Variants in PDZRN3 observed in about 807,000 individuals in gnomAD.
The protein encoded by PDZRN3 is PDZ domain containing ring finger 3, also known as E3 ubiquitin-protein ligase PDZRN3.
Under a neutral mutation model 85.7 loss-of-function variants are expected in PDZRN3, and 38 were observed. The observed-to-expected ratio is 0.44, with a 90% CI of 0.34 to 0.58. PDZRN3 has a LOEUF of 0.58. Among genes scored for constraint, PDZRN3 ranks in the 20% least tolerant of loss-of-function variants. The pLI is 0.01. For missense variants in PDZRN3, 1,629 were observed against 1,506.4 expected (o/e 1.08, Z -1.35); for synonymous variants, 759 against 638.0 (o/e 1.19, Z -2.86).
intron 3 of PDZRN3, among the ~76,000 whole-genome samples, chr3:73,464,617 G>A (rs1703175916): frequency 6.6e-6 from 1 of 151,812 alleles, no homozygotes; most frequent in Non-Finnish European, 1.5e-5. Flanking sequence ...AGAATCCCCA[G>A]TACAACGTTG....
At chr3:73,563,867 G>A (rs1303789065) in intron 3 of PDZRN3, among the ~76,000 whole-genome samples, 1 of 152,232 alleles carries the variant, frequency 6.6e-6, no homozygotes, top group Non-Finnish European at 1.5e-5. Context: ...CATAAATAGC[G>A]AGAAGATGCA....
chr3:73,434,093 A>G lies in PDZRN3; in HGVS notation c.919-29698T>C, dbSNP rs184995700. The G allele has an allele frequency of 1.2e-5, 4 of 323,350 alleles. 1 individual carries two copies. In the Admixed American group the frequency reaches 2.6e-4, roughly 21 times the overall value. The allele number at this position is 323,350 out of a possible 1,614,324, so 20.0% of individuals were successfully genotyped here. On this transcript the variant is annotated intron_variant, in intron 3 of 9. Coordinates refer to ENST00000263666, the MANE Select transcript of PDZRN3 (RefSeq NM_015009.3). ...TAACAGACAATGATACAGAAGCTAT[A>G]ATTGCCAACTATGACAGTTGAAATT...
At chr3:73,424,200 T>A (rs923870573) in intron 3 of PDZRN3, among the ~76,000 whole-genome samples, 1 of 151,894 alleles carries the variant, frequency 6.6e-6, no homozygotes, top group African/African-American at 2.4e-5. Flanking sequence ...TATTTGACTT[T>A]ATGAAATTAA....
chr3:73,475,465 C>T (rs1323533101), intron 3 of PDZRN3, among the ~76,000 whole-genome samples: 2 of 152,192 alleles, frequency 1.3e-5, no homozygotes, highest in Non-Finnish European at 2.9e-5. Flanking sequence ...CCCCCCCCAA[C>T]TCTGAACCCA....
At chr3:73,433,829 G>A (rs1702479720) in intron 3 of PDZRN3, 10 of 1,463,358 alleles carry the variant, frequency 6.8e-6, no homozygotes, top group South Asian at 1.4e-5. Context: ...CGACTGCAAC[G>A]CTTCACATTG....
intron 3 of PDZRN3, chr3:73,474,571 G>A (rs1424161035): frequency 7.8e-7 from 1 of 1,282,500 alleles, no homozygotes; most frequent in South Asian, 1.3e-5. Context: ...AAGGCAGCCT[G>A]CAGGTCCGCA....
intron 3 of PDZRN3, among the ~76,000 whole-genome samples, chr3:73,591,665 C>G (rs2106880604): frequency 6.6e-6 from 1 of 152,214 alleles, no homozygotes; most frequent in East Asian, 1.9e-4. Flanking sequence ...GCCAAAATTG[C>G]AGTATTCAGA....
intron 8 of PDZRN3, among the ~76,000 whole-genome samples, chr3:73,386,179 G>A: frequency 7.0e-6 from 1 of 143,300 alleles, no homozygotes; most frequent in Non-Finnish European, 1.5e-5. Context: ...TGTGAAAAGA[G>A]TTCTTTCTGA....
Position 73,424,540 on chromosome 3 carries a change from T to A in PDZRN3, c.919-20145A>T, listed in dbSNP as rs183190941. Among the ~76,000 whole-genome samples the A allele has an allele frequency of 2.4e-4, 9 of 38,224 alleles. No individual in the cohort carries two copies. The South Asian group carries it at 4.5e-3, about 19-fold the overall frequency. 25.1% of individuals were successfully genotyped at this position (38,224 alleles called of 152,430 possible). ...CTGGGAGACAGAGTGAGACTCCATC[T>A]CAAAAAAAAAAAAAAAAAAAAAAAG... On this transcript the variant is annotated intron_variant, in intron 3 of 9. Coordinates refer to ENST00000263666, the MANE Select transcript of PDZRN3 (RefSeq NM_015009.3).
At chr3:73,398,115 A>T (rs1701676778) in intron 5 of PDZRN3, among the ~76,000 whole-genome samples, 2 of 150,736 alleles carry the variant, frequency 1.3e-5, no homozygotes, top group Admixed American at 1.3e-4. Flanking sequence ...TTAAAATATT[A>T]ATACCAGACT....
rs574048387 is a variant in PDZRN3, at chr3:73,499,219, G to A, written c.919-94824C>T. Reference sequence around the variant, plus strand: ...TGCCAGGTGCCAGGCATTGCTCTGGGCACTGGTTACAAACATCAGTGAAGA... The same window carrying A: ...TGCCAGGTGCCAGGCATTGCTCTGGACACTGGTTACAAACATCAGTGAAGA... On this transcript the variant is annotated intron_variant, in intron 3 of 9. Transcript: ENST00000263666. Among the ~76,000 whole-genome samples the A allele has an allele frequency of 2.0e-5, 3 of 152,292 alleles. No homozygotes were observed. In the South Asian group the frequency reaches 6.2e-4, roughly 32 times the overall value.
At chr3:73,534,952 C>T (rs998645087) in intron 3 of PDZRN3, among the ~76,000 whole-genome samples, 1 of 152,006 alleles carries the variant, frequency 6.6e-6, no homozygotes, top group African/African-American at 2.4e-5. Context: ...TGCTGCCCCT[C>T]TCTGTGGGGA....
In PDZRN3 at chr3:73,384,470, C is replaced by G; in HGVS notation, c.2096G>C (p.Cys699Ser). ...CTTGTGGGCGCGCACGATGCTCAGG[C>G]ACTCCAGCTCGATGCTGCGCAGCTC... ...NEELRSIELECLSIVRAHKMQ... is the reference protein window; with the variant it reads ...NEELRSIELESLSIVRAHKMQ... Residue 699 changes from cysteine to serine, a missense_variant, in exon 10 of 10, where the codon TGC (cysteine) becomes TCC (serine). Physicochemically the swap from Cys to Ser is moderately radical, Grantham distance 112. Coordinates refer to ENST00000263666, the MANE Select transcript of PDZRN3 (RefSeq NM_015009.3). 1.2e-6 allele frequency: 2 copies of G among 1,613,190 alleles called. No individual in the cohort carries two copies. The highest frequency in any genetic ancestry group is 1.7e-6 in the Non-Finnish European group (2 of 1,180,008).
intron 3 of PDZRN3, among the ~76,000 whole-genome samples, chr3:73,571,580 G>A (rs1205695504): frequency 6.6e-6 from 1 of 152,088 alleles, no homozygotes; most frequent in Non-Finnish European, 1.5e-5. Context: ...CTGTGCTAAA[G>A]TACATTTTTC....
At chr3:73,407,377 A>G (rs569794376) in intron 3 of PDZRN3, among the ~76,000 whole-genome samples, 3 of 152,196 alleles carry the variant, frequency 2.0e-5, no homozygotes, top group Non-Finnish European at 4.4e-5. Context: ...TCCTAATAAT[A>G]TCACTGAATA....
intron 1 of PDZRN3, among the ~76,000 whole-genome samples, chr3:73,611,042 A>C (rs775943631): frequency 6.6e-6 from 1 of 152,194 alleles, no homozygotes; most frequent in Non-Finnish European, 1.5e-5. Flanking sequence ...GAGCTAGTAA[A>C]ATGTTGAGCT....
intron 2 of PDZRN3, among the ~76,000 whole-genome samples, chr3:73,607,581 C>T (rs753465781): frequency 1.3e-5 from 2 of 152,172 alleles, no homozygotes; most frequent in African/African-American, 4.8e-5. Context: ...GGCATCTTCT[C>T]GTCCTTTAGG....
chr3:73,403,289 G>A (rs556238660), intron 4 of PDZRN3, among the ~76,000 whole-genome samples: 2 of 152,146 alleles, frequency 1.3e-5, no homozygotes, highest in Non-Finnish European at 2.9e-5. Flanking sequence ...GACACCTTGG[G>A]GGCCAGCAGT....
intron 4 of PDZRN3, among the ~76,000 whole-genome samples, chr3:73,402,285 C>G (rs756245075): frequency 3.9e-5 from 6 of 152,180 alleles, no homozygotes; most frequent in African/African-American, 7.2e-5. Context: ...TCAGAAGTAG[C>G]CTTAAAGGCT....
Sources: allele counts gnomAD v4.1 joint callset (sites outside exome capture counted in the v4.1 genomes callset), GRCh38; gene constraint gnomAD v4.1.1; transcripts MANE v1.5; gene names NCBI Gene and HGNC (gene_info 2026-07-23, HGNC 2026-07-21).